Variants in MEMO1 observed in about 807,000 individuals in gnomAD.
MEMO1 encodes protein MEMO1.
MEMO1 carries 6 observed loss-of-function variants against 45.2 expected under a neutral mutation model. That is an observed-to-expected ratio of 0.13 (90% confidence interval 0.07 to 0.26). The LOEUF (loss-of-function observed/expected upper bound fraction) is 0.26. MEMO1 is among the 10% of genes least tolerant of loss of function. MEMO1 has a pLI of 1.00. For missense variants in MEMO1, 184 were observed against 370.5 expected (o/e 0.50, Z 4.13); for synonymous variants, 78 against 124.3 (o/e 0.63, Z 2.48).
intron 2 of MEMO1, among the ~76,000 whole-genome samples, chr2:31,947,504 A>G (rs1212137798): frequency 1.3e-5 from 2 of 152,210 alleles, no homozygotes; most frequent in Non-Finnish European, 2.9e-5. Flanking sequence ...ACGTGCTTTG[A>G]TTTTCAAATA....
chr2:31,972,425 T>C (rs754094536), intron 2 of MEMO1, among the ~76,000 whole-genome samples: 2 of 152,116 alleles, frequency 1.3e-5, no homozygotes, highest in African/African-American at 2.4e-5. Context: ...AAGAGAATAG[T>C]ATGGGCCGAA....
intron 2 of MEMO1, among the ~76,000 whole-genome samples, chr2:31,947,497 T>A (rs1666328764): frequency 6.6e-6 from 1 of 152,224 alleles, no homozygotes; most frequent in Admixed American, 6.5e-5. Context: ...TAGAAATACG[T>A]GCTTTGATTT....
In MEMO1 at chr2:31,932,887, G is replaced by GT. The variant is rs1433366239; in HGVS notation, c.144-753dup. ...TTCGAAGACAAAGATAATTATTCTC[G>GT]TTTTCTCTCCATACTATTTTTCCCT... is the stretch of plus-strand genomic sequence containing the variant. On this transcript the variant is annotated intron_variant, in intron 3 of 9. Transcript: ENST00000404530. Among the ~76,000 whole-genome samples the GT allele has an allele frequency of 2.6e-5, 4 of 151,918 alleles. No homozygotes were observed. In the East Asian group the frequency reaches 7.7e-4, roughly 29 times the overall value.
chr2:31,990,770 T>A (rs530332582), intron 2 of MEMO1, among the ~76,000 whole-genome samples: 1 of 151,986 alleles, frequency 6.6e-6, no homozygotes, highest in South Asian at 2.1e-4. Context: ...GTGATATACA[T>A]AACCCACATA....
intron 4 of MEMO1, 84 bp downstream of exon 4, chr2:31,931,983 A>G (rs745955873): frequency 4.7e-5 from 55 of 1,173,310 alleles, no homozygotes; most frequent in Middle Eastern, 2.8e-4. Context: ...CATAATAACA[A>G]TAAGTATAAA....
intron 2 of MEMO1, among the ~76,000 whole-genome samples, chr2:31,996,580 T>C (rs1000121451): frequency 6.6e-6 from 1 of 151,622 alleles, no homozygotes; most frequent in Non-Finnish European, 1.5e-5. Context: ...ATAAGACAAA[T>C]CCCCATCTAT....
rs1212939197 is a variant in MEMO1, at chr2:31,917,976, A to C, written c.387T>G (p.Asp129Glu). The C allele has an allele frequency of 6.2e-7, 1 of 1,611,644 alleles. No homozygotes were observed. The change falls in exon 6 of 10, where the codon GAT (aspartate) becomes GAG (glutamate). Residue 129 changes from aspartate (D) to glutamate (E), a missense_variant. This residue lies in a region of MEMO1 where 97 missense variants were observed against 209.3 expected (regional missense o/e 0.46). Coordinates refer to ENST00000404530, the MANE Select transcript of MEMO1 (RefSeq NM_001301833.4). Reference protein sequence around the residue: ...FERMSLQTDEDEHSIEMHLPY... With the variant: ...FERMSLQTDEEEHSIEMHLPY... Reference sequence around the variant, plus strand: ...GCAAATGCATTTCAATACTGTGTTCATCTTCATCTGTCTGCAGAGACATGC... The same window carrying C: ...GCAAATGCATTTCAATACTGTGTTCCTCTTCATCTGTCTGCAGAGACATGC...
chr2:31,979,944 A>G (rs1037248076), intron 2 of MEMO1, among the ~76,000 whole-genome samples: 5 of 151,938 alleles, frequency 3.3e-5, no homozygotes, highest in African/African-American at 1.2e-4. Context: ...ATTTATTAAT[A>G]TAACAGATAA....
At chr2:32,005,232 A>T (rs890956476) in intron 2 of MEMO1, among the ~76,000 whole-genome samples, 1 of 149,630 alleles carries the variant, frequency 6.7e-6, no homozygotes, top group Non-Finnish European at 1.5e-5. Flanking sequence ...AAGGAGGAAG[A>T]CTGCTTGAGC....
intron 6 of MEMO1, among the ~76,000 whole-genome samples, chr2:31,894,629 GC>G (rs925876372): frequency 1.3e-5 from 2 of 152,122 alleles, no homozygotes; most frequent in African/African-American, 4.8e-5. Flanking sequence ...CACACAAAAC[GC>G]AGGCTGAGAG....
intron 4 of MEMO1, among the ~76,000 whole-genome samples, chr2:31,931,424 T>C (rs757142811): frequency 1.3e-5 from 2 of 152,316 alleles, no homozygotes; most frequent in Admixed American, 1.3e-4. Flanking sequence ...GGGCCAGATA[T>C]TGGTTCATAT....
At chr2:31,944,477 G>A (rs1044965140) in intron 2 of MEMO1, among the ~76,000 whole-genome samples, 1 of 152,146 alleles carries the variant, frequency 6.6e-6, no homozygotes, top group African/African-American at 2.4e-5. Flanking sequence ...AAGCAAACCT[G>A]GATGTTGGTC....
intron 6 of MEMO1, among the ~76,000 whole-genome samples, chr2:31,913,457 G>T (rs1680926487): frequency 6.7e-6 from 1 of 150,102 alleles, no homozygotes; most frequent in Non-Finnish European, 1.5e-5. Context: ...ACAGGGAAAT[G>T]AGTTCATGAC....
At chr2:31,870,511 C>T (rs755866841) in intron 8 of MEMO1, among the ~76,000 whole-genome samples, 5 of 152,018 alleles carry the variant, frequency 3.3e-5, no homozygotes, top group Admixed American at 1.3e-4. Flanking sequence ...AAAAATGACA[C>T]GAACTAAGAA....
chr2:31,983,242 C>G (rs1031804558), intron 2 of MEMO1, among the ~76,000 whole-genome samples: 1 of 152,026 alleles, frequency 6.6e-6, no homozygotes, highest in South Asian at 2.1e-4. Flanking sequence ...GCCTGGGCAA[C>G]AGAGCAAGAC....
intron 5 of MEMO1, among the ~76,000 whole-genome samples, chr2:31,918,755 T>C (rs1681850066): frequency 6.6e-6 from 1 of 152,140 alleles, no homozygotes; most frequent in East Asian, 1.9e-4. Flanking sequence ...GTAAAAAATA[T>C]GTATAAGAAT....
At chr2:31,877,689 TGTAA>T (rs1310777752) in intron 8 of MEMO1, among the ~76,000 whole-genome samples, 5 of 152,212 alleles carry the variant, frequency 3.3e-5, no homozygotes, top group Non-Finnish European at 7.3e-5. Context: ...TACATACGTG[TGTAA>T]GTGTGTATTT....
chr2:31,929,680 G>A (rs1480500226), intron 4 of MEMO1, among the ~76,000 whole-genome samples: 1 of 152,106 alleles, frequency 6.6e-6, no homozygotes, highest in Non-Finnish European at 1.5e-5. Context: ...TTTAAATTCT[G>A]GAAAGTGACA....
chr2:31,949,163 G>A (rs1353991016), intron 2 of MEMO1, among the ~76,000 whole-genome samples: 1 of 152,166 alleles, frequency 6.6e-6, no homozygotes, highest in East Asian at 1.9e-4. Flanking sequence ...CTGTTGGTGG[G>A]AATCTAAATT....
Sources: allele counts gnomAD v4.1 joint callset (sites outside exome capture counted in the v4.1 genomes callset), GRCh38; gene constraint gnomAD v4.1.1; regional missense constraint gnomAD v4.1.1; transcripts MANE v1.5; gene names NCBI Gene and HGNC (gene_info 2026-07-23, HGNC 2026-07-21).